FMNL2: variants seen among roughly 807,000 people sequenced by gnomAD.
The protein encoded by FMNL2 is formin-like protein 2.
In FMNL2, 51 loss-of-function variants were observed where a neutral mutation model predicts 130.2. The ratio of observed to expected loss-of-function variants is 0.39; its 90% CI spans 0.31 to 0.49. The LOEUF (loss-of-function observed/expected upper bound fraction) is 0.49. Among genes scored for constraint, FMNL2 ranks in the 20% least tolerant of loss-of-function variants. The pLI is 0.85. For synonymous variants in FMNL2, 465 were observed against 467.1 expected (o/e 1.00, Z 0.06); for missense variants, 977 against 1,316.2 (o/e 0.74, Z 3.99).
chr2:152,586,414 T>C (rs1220317031), intron 9 of FMNL2, among the ~76,000 whole-genome samples: 1 of 152,212 alleles, frequency 6.6e-6, no homozygotes, highest in Non-Finnish European at 1.5e-5. Flanking sequence ...TCAAGTTTTA[T>C]TTATAGTGGA....
At chr2:152,488,027 A>T (rs1042663312) in intron 1 of FMNL2, among the ~76,000 whole-genome samples, 2 of 152,064 alleles carry the variant, frequency 1.3e-5, no homozygotes, top group Admixed American at 1.3e-4. Flanking sequence ...TGATACGCCC[A>T]CCTCGGCCTC....
At chr2:152,377,776 A>G (rs1295048231) in intron 1 of FMNL2, among the ~76,000 whole-genome samples, 1 of 152,210 alleles carries the variant, frequency 6.6e-6, no homozygotes, top group Non-Finnish European at 1.5e-5. Flanking sequence ...AAATAATCAT[A>G]CTTGCAGTAA....
Position 152,337,880 on chromosome 2 carries a change from C to T in FMNL2, c.117+2160C>T, listed in dbSNP as rs187698610. On this transcript the variant is annotated intron_variant, in intron 1 of 25. Coordinates refer to ENST00000288670, the MANE Select transcript of FMNL2 (RefSeq NM_052905.4). ...CCAGGTCAGCTTGGGAACCCTCTTC[C>T]TAGGGACGCATTTGGACCATTGATG... Among the ~76,000 whole-genome samples, 227 of 152,294 alleles carry T rather than the reference C, an allele frequency of 1.5e-3. 1 individual carries two copies. Among genetic ancestry groups the T allele is most frequent in the Middle Eastern group, 3.4e-3 (1 of 294 alleles).
chr2:152,336,254 C>T (rs1423359225), intron 1 of FMNL2, among the ~76,000 whole-genome samples: 2 of 152,088 alleles, frequency 1.3e-5, no homozygotes, highest in Non-Finnish European at 2.9e-5. Context: ...GGAGGGCTCA[C>T]GTCGCGGCTT....
chr2:152,363,087 C>T (rs1175513123), intron 1 of FMNL2, among the ~76,000 whole-genome samples: 6 of 152,072 alleles, frequency 3.9e-5, no homozygotes, highest in Admixed American at 1.3e-4. Context: ...CTCACTGAAG[C>T]GATGAAAATG....
At chr2:152,579,877 A>T (rs1368373899) in intron 8 of FMNL2, among the ~76,000 whole-genome samples, 1 of 152,224 alleles carries the variant, frequency 6.6e-6, no homozygotes, top group African/African-American at 2.4e-5. Flanking sequence ...AGTATTCTGT[A>T]CTTCAAATGT....
chr2:152,575,061 G>A, intron 6 of FMNL2, 75 bp from the exon 7 acceptor site: 7 of 785,458 alleles, frequency 8.9e-6, no homozygotes, highest in Non-Finnish European at 1.4e-5. Flanking sequence ...GTGAAGAGTA[G>A]TGTCTGTTAA....
At position 152,483,818 on chromosome 2, in the gene FMNL2, T is replaced by C. The variant is rs140092947; in HGVS notation, c.118-38125T>C. Among the ~76,000 whole-genome samples the C allele has an allele frequency of 8.5e-4, 129 of 152,362 alleles. 1 individual carries two copies. The highest frequency in any genetic ancestry group is 3.0e-3 in the African/African-American group (125 of 41,588). On this transcript the variant is annotated intron_variant, in intron 1 of 25. Transcript: ENST00000288670. ...CTTGAAGCTATTTATTTGTAGCTAATAGCTAGCATTTGTTACCTCTTGAGA... is the reference window on the plus strand; with the variant it reads ...CTTGAAGCTATTTATTTGTAGCTAACAGCTAGCATTTGTTACCTCTTGAGA...
intron 9 of FMNL2, among the ~76,000 whole-genome samples, chr2:152,582,253 G>A (rs975593182): frequency 1.3e-5 from 2 of 152,156 alleles, no homozygotes. Flanking sequence ...AAATGAGACA[G>A]GACTTCGGAG....
intron 1 of FMNL2, among the ~76,000 whole-genome samples, chr2:152,335,936 G>T (rs1560275024): frequency 6.6e-6 from 1 of 151,788 alleles, no homozygotes; most frequent in Non-Finnish European, 1.5e-5. Context: ...TGGGGATGGG[G>T]GCTCAGGGCC....
chr2:152,430,054 CAA>C lies in FMNL2; in HGVS notation c.118-91884_118-91883del, dbSNP rs974946879. 3.9e-5 allele frequency among the ~76,000 whole-genome samples: 6 copies of C among 152,222 alleles called. No homozygotes were observed. The East Asian group carries it at 1.2e-3, about 29-fold the overall frequency. ...GCACATGTACCCCTGAACTTAAAAA[CAA>C]AAAACAAACCAACAAACAAAAAAAG... On this transcript the variant is annotated intron_variant, in intron 1 of 25. Transcript: ENST00000288670.
chr2:152,400,007 G>A (rs139074068), intron 1 of FMNL2, among the ~76,000 whole-genome samples: 123 of 152,272 alleles, frequency 8.1e-4, no homozygotes, highest in African/African-American at 2.8e-3. Flanking sequence ...CAGAGGAGTC[G>A]GCTTAGAAGC....
chr2:152,596,678 A>G (rs1697789286), intron 9 of FMNL2, among the ~76,000 whole-genome samples: 1 of 152,192 alleles, frequency 6.6e-6, no homozygotes, highest in East Asian at 1.9e-4. Context: ...CTCAGCACTT[A>G]GGGAGATTGA....
chr2:152,514,398 G>A (rs1692649335), intron 1 of FMNL2, among the ~76,000 whole-genome samples: 1 of 152,134 alleles, frequency 6.6e-6, no homozygotes, highest in Non-Finnish European at 1.5e-5. Flanking sequence ...TCTGTGTGAT[G>A]CACAGCTCTT....
intron 9 of FMNL2, among the ~76,000 whole-genome samples, chr2:152,589,963 ATATATATATATATATATATATG>A (rs1474483306): frequency 2.5e-4 from 8 of 31,784 alleles, no homozygotes; most frequent in Non-Finnish European, 5.2e-4. Context: ...ATATATATAT[ATATATATATATATATATATATG>A]TATATGTATA....
chr2:152,500,884 G>A (rs1055879876), intron 1 of FMNL2, among the ~76,000 whole-genome samples: 5 of 152,246 alleles, frequency 3.3e-5, no homozygotes, highest in East Asian at 1.9e-4. Flanking sequence ...AGTCAGTTAG[G>A]TCTCTTAAAT....
intron 1 of FMNL2, among the ~76,000 whole-genome samples, chr2:152,458,513 C>T (rs372048454): frequency 2.0e-5 from 3 of 152,172 alleles, no homozygotes; most frequent in Non-Finnish European, 4.4e-5. Context: ...TGAAATCCTG[C>T]GACATTGGCC....
At chr2:152,580,437 A>G (rs182634866) in intron 8 of FMNL2, among the ~76,000 whole-genome samples, 9 of 152,358 alleles carry the variant, frequency 5.9e-5, no homozygotes, top group Admixed American at 5.9e-4. Context: ...AGGAAGAAGA[A>G]AGGACAGAAA....
intron 7 of FMNL2, 128 bp downstream of exon 7, chr2:152,575,372 T>C (rs1432511153): frequency 8.0e-6 from 4 of 498,268 alleles, no homozygotes; most frequent in South Asian, 5.7e-5. Context: ...CATCCTACAA[T>C]TTATCTGTGT....
Sources: gnomAD v4.1 joint callset for allele counts (sites outside exome capture counted in the v4.1 genomes callset) on GRCh38, gnomAD v4.1.1 for gene constraint, MANE v1.5 for transcripts, NCBI Gene and HGNC (gene_info 2026-07-23, HGNC 2026-07-21) for gene names.